Variants in ADGRA3 observed in about 807,000 individuals in gnomAD.
ADGRA3 encodes G-protein coupled receptor 125.
In ADGRA3, 56 loss-of-function variants were observed where a neutral mutation model predicts 119.8. The ratio of observed to expected loss-of-function variants is 0.47; its 90% CI spans 0.38 to 0.58. The LOEUF is 0.58. ADGRA3 is among the 20% of genes least tolerant of loss of function. The pLI, the probability that ADGRA3 is intolerant of heterozygous loss-of-function variation, is 0.00. For missense variants in ADGRA3, 1,516 were observed against 1,649.0 expected (o/e 0.92, Z 1.40); for synonymous variants, 607 against 623.8 (o/e 0.97, Z 0.40).
rs754703389 is a variant in ADGRA3, at chr4:22,413,630, A to G, written c.1994T>C (p.Val665Ala). The G allele has an allele frequency of 6.2e-7, 1 of 1,614,040 alleles. No homozygotes were observed. The highest frequency in any genetic ancestry group is 1.7e-5 in the Admixed American group (1 of 60,002). The change falls in exon 13 of 19, where the codon GTG becomes GCG. Residue 665 changes from valine to alanine, a missense_variant. Around this residue, in one of 2 missense-constraint regions of ADGRA3, gnomAD observed 1,088 missense variants for 1,107.1 expected, o/e 0.98. Coordinates refer to ENST00000334304, the MANE Select transcript of ADGRA3 (RefSeq NM_145290.4). ...NLADDGKRRT[V>A]VTPVILTKID... ...TTTGGTGAGAATCACAGGGGTAACC[A>G]CAGTACGTCGTTTTCCATCATCAGC...
chr4:22,490,155 G>GCTATTAAGTTTAATGC (rs1718572618), intron 1 of ADGRA3, among the ~76,000 whole-genome samples: 1 of 152,174 alleles, frequency 6.6e-6, no homozygotes, highest in Non-Finnish European at 1.5e-5. Flanking sequence ...GCATTAAACT[G>GCTATTAAGTTTAATGC]TAAGTTTACA....
intron 4 of ADGRA3, among the ~76,000 whole-genome samples, chr4:22,452,644 G>A (rs1355802720): frequency 6.6e-6 from 1 of 152,124 alleles, no homozygotes; most frequent in Non-Finnish European, 1.5e-5. Context: ...TCTTGACGAA[G>A]AAGGCAAAGG....
chr4:22,397,609 C>A (rs1451904241), intron 16 of ADGRA3, among the ~76,000 whole-genome samples: 1 of 152,078 alleles, frequency 6.6e-6, no homozygotes, highest in Non-Finnish European at 1.5e-5. Flanking sequence ...AATTGTAGCT[C>A]CCATAATTCC....
chr4:22,479,646 G>A (rs996580845), intron 1 of ADGRA3, among the ~76,000 whole-genome samples: 4 of 152,066 alleles, frequency 2.6e-5, no homozygotes, highest in East Asian at 1.9e-4. Flanking sequence ...CCATTACTGG[G>A]TATATACCCA....
Position 22,387,896 on chromosome 4 carries a change from T to C in ADGRA3, c.3775A>G (p.Thr1259Ala). The C allele has an allele frequency of 6.2e-7, 1 of 1,614,132 alleles. No homozygotes were observed. The highest frequency in any genetic ancestry group is 8.5e-7 in the Non-Finnish European group (1 of 1,180,014). Residue 1259 changes from threonine to alanine, a missense_variant, in exon 19 of 19, where the codon ACC (threonine) becomes GCC (alanine). Physicochemically the swap from Thr to Ala is moderately conservative, Grantham distance 58. Around this residue, in one of 2 missense-constraint regions of ADGRA3, gnomAD observed 1,088 missense variants for 1,107.1 expected, o/e 0.98. Transcript: ENST00000334304. ...CTTAACGCATCTTTTTTACTAGTGGTTGAAACTGGCTTTTCAAAATTTCTG... is the reference window on the plus strand; with the variant it reads ...CTTAACGCATCTTTTTTACTAGTGGCTGAAACTGGCTTTTCAAAATTTCTG... ...SSRNFEKPVSTTSKKDALRKP... is the reference protein window; with the variant it reads ...SSRNFEKPVSATSKKDALRKP...
At position 22,488,008 on chromosome 4, in the gene ADGRA3, G is replaced by A. The variant is rs538620803; in HGVS notation, c.258-14165C>T. ...GGGTACCCAGATCTGAATCCATGCT[G>A]CTACCTGACACTAGTATAAACGTAA... On this transcript the variant is annotated intron_variant, in intron 1 of 18. Transcript: ENST00000334304. Among the ~76,000 whole-genome samples the A allele has an allele frequency of 1.4e-3, 207 of 152,152 alleles. 5 individuals are homozygous for A. The South Asian group carries it at 0.017, about 13-fold the overall frequency.
chr4:22,421,027 G>A lies in ADGRA3; in HGVS notation c.1668C>T (p.Thr556=), dbSNP rs1324578819. 1.9e-6 allele frequency: 3 copies of A among 1,614,046 alleles called. No homozygotes were observed. The highest frequency in any genetic ancestry group is 2.2e-5 in the South Asian group (2 of 91,078). The change falls in exon 12 of 19, where the codon ACC becomes ACT. Residue 556 remains threonine, a synonymous_variant. Coordinates refer to ENST00000334304, the MANE Select transcript of ADGRA3 (RefSeq NM_145290.4). ...CTGCCACTTTCTGGAACACGGTACA[G>A]GTCATCCCCGTGAAGCCAGTAGACT... ...VIKSTGFTGM[T]CTVFQKVAAS... is the part of the protein sequence containing the mutation.
At chr4:22,469,003 C>A (rs1364026765) in intron 2 of ADGRA3, among the ~76,000 whole-genome samples, 5 of 151,998 alleles carry the variant, frequency 3.3e-5, no homozygotes, top group Non-Finnish European at 5.9e-5. Context: ...AGTTTAGCAG[C>A]CTAACAGTAT....
At chr4:22,415,120 A>C (rs2109026391) in intron 12 of ADGRA3, among the ~76,000 whole-genome samples, 1 of 152,224 alleles carries the variant, frequency 6.6e-6, no homozygotes, top group South Asian at 2.1e-4. Flanking sequence ...CTCAAGCCAG[A>C]GTATGAGGAT....
At chr4:22,398,577 T>C (rs985504598) in intron 16 of ADGRA3, among the ~76,000 whole-genome samples, 2 of 152,204 alleles carry the variant, frequency 1.3e-5, no homozygotes, top group African/African-American at 4.8e-5. Flanking sequence ...TTCTCTTTTA[T>C]AGTTTTATTG....
intron 1 of ADGRA3, among the ~76,000 whole-genome samples, chr4:22,510,721 T>TC (rs1315144790): frequency 1.3e-5 from 2 of 152,040 alleles, no homozygotes; most frequent in Non-Finnish European, 2.9e-5. Context: ...ATCCTTCCCT[T>TC]CCTTTAGGCC....
intron 12 of ADGRA3, among the ~76,000 whole-genome samples, chr4:22,417,008 A>T (rs975345682): frequency 6.6e-6 from 1 of 152,224 alleles, no homozygotes; most frequent in Non-Finnish European, 1.5e-5. Flanking sequence ...CATGAAAATC[A>T]GAATGAGCCA....
chr4:22,402,109 C>A (rs1714688294), intron 15 of ADGRA3, among the ~76,000 whole-genome samples: 1 of 152,084 alleles, frequency 6.6e-6, no homozygotes, highest in Non-Finnish European at 1.5e-5. Context: ...CACATTCTAG[C>A]AAAACGTTTT....
Position 22,424,286 on chromosome 4 carries a change from C to T in ADGRA3, c.1510G>A (p.Ala504Thr), listed in dbSNP as rs760613528. 1 of 1,613,920 alleles carries T rather than the reference C, an allele frequency of 6.2e-7. No homozygotes were observed. The highest frequency in any genetic ancestry group is 8.5e-7 in the Non-Finnish European group (1 of 1,179,896). The part of the protein sequence containing the change: ...MLADERVLWL[A>T]QREAKACSRI... ...CTGCAGGCTTTAGCTTCCCTCTGCG[C>T]CAGCCACAGGACACGTTCATCAGCC... Residue 504 changes from alanine (A) to threonine (T), a missense_variant, in exon 11 of 19, where the codon GCG (alanine) becomes ACG (threonine). Around this residue, in one of 2 missense-constraint regions of ADGRA3, gnomAD observed 1,088 missense variants for 1,107.1 expected, o/e 0.98. Transcript: ENST00000334304.
At position 22,388,015 on chromosome 4, in the gene ADGRA3, C is replaced by T. The variant is rs1713916459; in HGVS notation, c.3656G>A (p.Arg1219Lys). 1.9e-6 allele frequency: 3 copies of T among 1,614,018 alleles called. No individual in the cohort carries two copies. Among genetic ancestry groups the T allele is most frequent in the Non-Finnish European group, 2.5e-6 (3 of 1,180,024 alleles). The change falls in exon 19 of 19, where the codon AGG (arginine) becomes AAG (lysine). Residue 1219 changes from arginine to lysine, a missense_variant. Physicochemically the swap from Arg to Lys is conservative, Grantham distance 26 (BLOSUM62 2). This residue lies in a region of ADGRA3 where 1,088 missense variants were observed against 1,107.1 expected (regional missense o/e 0.98). Transcript: ENST00000334304. Reference protein sequence around the residue: ...SRLGNNEGHSRSRRAYLAYRE... With the variant: ...SRLGNNEGHSKSRRAYLAYRE... The stretch of plus-strand genomic sequence containing the variant: ...GTAGGCTAAATAAGCTCTTCGGCTC[C>T]TCGAGTGTCCTTCGTTATTGCCCAG...
intron 1 of ADGRA3, among the ~76,000 whole-genome samples, chr4:22,509,342 G>T (rs1719356057): frequency 6.6e-6 from 1 of 151,412 alleles, no homozygotes; most frequent in South Asian, 2.1e-4. Context: ...CTCTACTAAA[G>T]ATCCAAAAAA....
chr4:22,512,746 T>C lies in ADGRA3; in HGVS notation c.257+2782A>G, dbSNP rs149221915. Among the ~76,000 whole-genome samples the C allele has an allele frequency of 8.5e-3, 1,299 of 152,254 alleles. 18 individuals carry two copies. Among genetic ancestry groups the C allele is most frequent in the African/African-American group, 0.03 (1,252 of 41,550 alleles). ...CTTCCTAAAGTCCTCAGAGAGAGCA[T>C]GGCCCTGCTAATAGATTGATTTGGG... On this transcript the variant is annotated intron_variant, in intron 1 of 18. Coordinates refer to ENST00000334304, the MANE Select transcript of ADGRA3 (RefSeq NM_145290.4).
At position 22,389,088 on chromosome 4, in the gene ADGRA3, T is replaced by C; in HGVS notation, c.2723A>G (p.Tyr908Cys). The change falls in exon 18 of 19, where the codon TAT (tyrosine) becomes TGT (cysteine). Residue 908 changes from tyrosine to cysteine, a missense_variant and splice_region_variant. Coordinates refer to ENST00000334304, the MANE Select transcript of ADGRA3 (RefSeq NM_145290.4). The stretch of plus-strand genomic sequence containing the variant: ...TACACAGAGAATATAAAATACTCAC[T>C]AGGGTGCGTTTGGCCGACTGCCGTA... ...KNYGSRPNAP[Y>C]CWMAWEPSLG... The C allele has an allele frequency of 1.9e-6, 3 of 1,613,280 alleles. No homozygotes were observed. The highest frequency in any genetic ancestry group is 2.5e-6 in the Non-Finnish European group (3 of 1,179,320).
At chr4:22,409,721 A>T (rs10016148) in intron 14 of ADGRA3, among the ~76,000 whole-genome samples, 30,465 of 152,134 alleles carry the variant, frequency 0.2, 4,325 homozygotes, top group African/African-American at 0.4. Context: ...ATAGTTAAGA[A>T]ATGTTGCTCT....
Sources: allele counts gnomAD v4.1 joint callset (sites outside exome capture counted in the v4.1 genomes callset), GRCh38; gene constraint gnomAD v4.1.1; regional missense constraint gnomAD v4.1.1; transcripts MANE v1.5; gene names NCBI Gene and HGNC (gene_info 2026-07-23, HGNC 2026-07-21).